Variants in KLC1 observed in about 807,000 individuals in gnomAD.
The protein encoded by KLC1 is kinesin light chain 1.
KLC1 carries 30 observed loss-of-function variants against 84.2 expected under a neutral mutation model. That is an observed-to-expected ratio of 0.36 (90% CI 0.27 to 0.48). The LOEUF (loss-of-function observed/expected upper bound fraction) is 0.48. Ranked by LOEUF, KLC1 falls within the 20% of genes least tolerant of loss-of-function variation. The probability of loss-of-function intolerance (pLI) is 0.99; values close to 1 mark genes in which losing one functional copy is unlikely to be tolerated. For missense variants in KLC1, 499 were observed against 805.4 expected (o/e 0.62, Z 4.60); for synonymous variants, 289 against 293.3 (o/e 0.99, Z 0.15).
intron 16 of KLC1, among the ~76,000 whole-genome samples, 161 bp from the exon 17 acceptor site, chr14:103,701,040 C>T (rs1217312665): frequency 1.3e-5 from 2 of 152,358 alleles, no homozygotes; most frequent in East Asian, 3.9e-4. Context: ...CGCACCAGTC[C>T]CCCATGACCC....
At position 103,685,759 on chromosome 14, in the gene KLC1, C is replaced by T; in HGVS notation, c.1651-1322C>T. The T allele has an allele frequency of 3.9e-6, 5 of 1,279,190 alleles. No individual in the cohort carries two copies. In the Admixed American group the frequency reaches 7.2e-5, roughly 18 times the overall value. The allele number at this position is 1,279,190 out of a possible 1,614,324, so 79.2% of individuals were successfully genotyped here. ...AGCCTCTAGGATCTTGTCAGAGCTG[C>T]ACCTCTCTGTGAACTGGCCATTCCT... On this transcript the variant is annotated intron_variant, in intron 13 of 16. Coordinates refer to ENST00000334553, the MANE Select transcript of KLC1 (RefSeq NM_001394837.1).
chr14:103,675,034 A>G (rs2151717121), intron 9 of KLC1, among the ~76,000 whole-genome samples: 1 of 152,276 alleles, frequency 6.6e-6, no homozygotes, highest in Middle Eastern at 3.4e-3. Flanking sequence ...AGGATCATAT[A>G]AAAAAGAAAA....
intron 1 of KLC1, among the ~76,000 whole-genome samples, chr14:103,651,635 C>A (rs998169118): frequency 6.6e-6 from 1 of 152,148 alleles, no homozygotes; most frequent in East Asian, 1.9e-4. Context: ...CCATGGTCAC[C>A]TGGGGGGCAG....
At chr14:103,650,826 A>G (rs1449824906) in intron 1 of KLC1, among the ~76,000 whole-genome samples, 3 of 151,396 alleles carry the variant, frequency 2.0e-5, no homozygotes, top group Non-Finnish European at 4.4e-5. Flanking sequence ...TGATCTGCTT[A>G]CCTGGGCCTC....
In KLC1 at chr14:103,689,298, G is replaced by C. The variant is rs546931003; in HGVS notation, c.1781+2087G>C. On this transcript the variant is annotated intron_variant, in intron 14 of 16. Coordinates refer to ENST00000334553, the MANE Select transcript of KLC1 (RefSeq NM_001394837.1). ...ACATGACAGCTCTCAGAGTTGTTCT[G>C]TTTTCTCGTGTTTTGTGTCTTTGCC... 3.0e-4 allele frequency among the ~76,000 whole-genome samples: 46 copies of C among 152,274 alleles called. No individual in the cohort carries two copies. In the South Asian group the frequency reaches 6.2e-3, roughly 21 times the overall value.
At chr14:103,681,741 A>G (rs920597477) in intron 13 of KLC1, among the ~76,000 whole-genome samples, 1 of 152,050 alleles carries the variant, frequency 6.6e-6, no homozygotes, top group Non-Finnish European at 1.5e-5. Context: ...ACAGGCATAA[A>G]CCACCGACTT....
At chr14:103,630,235 A>G (rs1259000175) in intron 1 of KLC1, among the ~76,000 whole-genome samples, 3 of 152,230 alleles carry the variant, frequency 2.0e-5, no homozygotes, top group African/African-American at 7.2e-5. Flanking sequence ...CTTTTCCTTA[A>G]GAAAATTAAA....
At chr14:103,638,834 A>G (rs1291100585) in intron 1 of KLC1, among the ~76,000 whole-genome samples, 1 of 151,450 alleles carries the variant, frequency 6.6e-6, no homozygotes, top group African/African-American at 2.4e-5. Flanking sequence ...ATGTATGAAC[A>G]TAGGGGTGTG....
intron 15 of KLC1, chr14:103,696,774 G>C (rs2082560214): frequency 7.1e-6 from 7 of 985,410 alleles, no homozygotes; most frequent in Non-Finnish European, 8.4e-6. Context: ...GAGGCAATGA[G>C]GGTCAGGGCG....
intron 15 of KLC1, chr14:103,696,608 T>TA (rs1321159978): frequency 2.0e-6 from 2 of 985,392 alleles, no homozygotes; most frequent in Admixed American, 6.1e-5. Context: ...GTAGAGCACT[T>TA]ACCAGCTCTG....
At chr14:103,634,715 A>C (rs1055475714) in intron 1 of KLC1, among the ~76,000 whole-genome samples, 2 of 151,892 alleles carry the variant, frequency 1.3e-5, no homozygotes, top group Non-Finnish European at 2.9e-5. Flanking sequence ...TGCTTCTAGG[A>C]GGTTACTAAT....
At chr14:103,696,682 TGTA>T (rs1414896089) in intron 15 of KLC1, 1 of 985,526 alleles carries the variant, frequency 1.0e-6, no homozygotes. Context: ...AGGGCTGATA[TGTA>T]GACGTGTATT....
intron 2 of KLC1, among the ~76,000 whole-genome samples, chr14:103,656,067 CT>C (rs2078817626): frequency 6.6e-6 from 1 of 152,212 alleles, no homozygotes; most frequent in South Asian, 2.1e-4. Context: ...GGCAGCCTGT[CT>C]TGGGGACTGA....
intron 6 of KLC1, 31 bp downstream of exon 6, chr14:103,669,629 A>G (rs12896171): frequency 0.31 from 430,165 of 1,374,746 alleles, 70,356 homozygotes; most frequent in East Asian, 0.33. Flanking sequence ...CATTCTTTTA[A>G]TATTTTATTT....
intron 1 of KLC1, among the ~76,000 whole-genome samples, chr14:103,649,485 T>C (rs2078216604): frequency 6.6e-6 from 1 of 150,678 alleles, no homozygotes; most frequent in South Asian, 2.1e-4. Flanking sequence ...CTCCAGCACT[T>C]TGGGAGGCCA....
intron 1 of KLC1, among the ~76,000 whole-genome samples, chr14:103,647,109 T>G (rs780710232): frequency 1.3e-5 from 2 of 152,178 alleles, no homozygotes; most frequent in Non-Finnish European, 2.9e-5. Flanking sequence ...ACCTGTCAAG[T>G]AGGATGTTGA....
At chr14:103,632,411 AAAAC>A (rs1328502450) in intron 1 of KLC1, among the ~76,000 whole-genome samples, 17 of 151,284 alleles carry the variant, frequency 1.1e-4, no homozygotes, top group Non-Finnish European at 2.5e-4. Flanking sequence ...ACTCCGTCTC[AAAAC>A]AAACAAAAAG....
At chr14:103,639,622 T>C (rs752953364) in intron 1 of KLC1, among the ~76,000 whole-genome samples, 1 of 151,898 alleles carries the variant, frequency 6.6e-6, no homozygotes, top group Non-Finnish European at 1.5e-5. Flanking sequence ...TTTATTTTTG[T>C]AGAGACAGGG....
At chr14:103,638,786 CAG>C (rs1353668154) in intron 1 of KLC1, among the ~76,000 whole-genome samples, 2 of 149,302 alleles carry the variant, frequency 1.3e-5, no homozygotes, top group Non-Finnish European at 3.0e-5. Flanking sequence ...TGTATGAACA[CAG>C]TGGGGGTGTG....
Sources: gnomAD v4.1 joint callset for allele counts (sites outside exome capture counted in the v4.1 genomes callset) on GRCh38, gnomAD v4.1.1 for gene constraint, MANE v1.5 for transcripts, NCBI Gene and HGNC (gene_info 2026-07-23, HGNC 2026-07-21) for gene names.